Variants in GPKOW observed in about 807,000 individuals in gnomAD.
The protein encoded by GPKOW is G-patch domain and KOW motifs-containing protein.
For synonymous variants in GPKOW, 167 were observed against 159.1 expected (o/e 1.05, Z -0.37); for missense variants, 359 against 404.7 (o/e 0.89, Z 0.97).
At chrX:49,118,764 A>C (rs1238283459) in intron 4 of GPKOW, among the ~76,000 whole-genome samples, 1 of 103,963 alleles carries the variant, frequency 9.6e-6, no homozygotes, top group South Asian at 4.4e-4. Context: ...AAAAAAAAAA[A>C]AACGCCAATT....
chrX:49,121,418 A>C (rs1251630595), intron 3 of GPKOW, among the ~76,000 whole-genome samples: 1 of 110,758 alleles, frequency 9.0e-6, no homozygotes, highest in Non-Finnish European at 1.9e-5. Flanking sequence ...ACAGGGCAAG[A>C]CTCTATCTCA....
chrX:49,117,370 T>A lies in GPKOW; in HGVS notation c.781-208A>T, dbSNP rs192527137. On this transcript the variant is annotated intron_variant, in intron 5 of 10. Coordinates refer to ENST00000156109, the MANE Select transcript of GPKOW (RefSeq NM_015698.6). ...CCTTGGATCCTTTAAGCATTTAATC[T>A]TCAGGGACTTGTGGCATATGGCATT... Among the ~76,000 whole-genome samples the A allele has an allele frequency of 1.8e-4, 20 of 111,775 alleles. No individual in the cohort carries two copies. In the East Asian group the frequency reaches 5.6e-3, roughly 31 times the overall value.
At chrX:49,120,406 G>A (rs2065209388) in intron 3 of GPKOW, among the ~76,000 whole-genome samples, 1 of 111,351 alleles carries the variant, frequency 9.0e-6, no homozygotes. Flanking sequence ...AGAGAAGGGT[G>A]GGGAAGAGAC....
chrX:49,114,882 G>A (rs1190175364), intron 9 of GPKOW, among the ~76,000 whole-genome samples: 1 of 86,185 alleles, frequency 1.2e-5, no homozygotes, highest in Admixed American at 1.4e-4. Flanking sequence ...CCAAGATTGC[G>A]TCACTGCACT....
Position 49,117,724 on chromosome X carries a change from G to A in GPKOW, c.653C>T (p.Thr218Ile). ...TGGTCTTGGCATGCGGGAGGGGCCA[G>A]TGGGGGTCAAGGCCTGGGCCTCGGT... ...NLTEAQALTP[T>I]GPSRMPRPDE... Residue 218 changes from threonine to isoleucine, a missense_variant, in exon 5 of 11, where the codon ACT becomes ATT. By Grantham distance (89) the Thr-to-Ile change is moderately conservative (BLOSUM62 -1). Coordinates refer to ENST00000156109, the MANE Select transcript of GPKOW (RefSeq NM_015698.6). The A allele has an allele frequency of 8.3e-7, 1 of 1,209,814 alleles. No homozygotes were observed. The highest frequency in any genetic ancestry group is 1.1e-6 in the Non-Finnish European group (1 of 893,668).
intron 4 of GPKOW, 41 bp downstream of exon 4, chrX:49,119,664 T>G (rs373537126): frequency 2.1e-5 from 17 of 824,754 alleles, no homozygotes; most frequent in Non-Finnish European, 2.7e-5. Context: ...GATTGCAGCC[T>G]GATGATCTGT....
chrX:49,119,719 G>C lies in GPKOW; in HGVS notation c.552C>G (p.Gly184=), dbSNP rs781833436. 8 of 1,181,064 alleles carry C rather than the reference G, an allele frequency of 6.8e-6. No individual in the cohort carries two copies. In the South Asian group the frequency reaches 1.4e-4, roughly 21 times the overall value. ...GMGWKPGEGI[G]RTFNQVVKPR... ...CCAGAACTCACTGATTGAAGGTGCG[G>C]CCGATGCCCTCGCCAGGTTTCCAGC... The change falls in exon 4 of 11, where the codon GGC becomes GGG. Residue 184 remains glycine (G), a synonymous_variant. Coordinates refer to ENST00000156109, the MANE Select transcript of GPKOW (RefSeq NM_015698.6).
In GPKOW at chrX:49,119,695, C is replaced by A. The variant is rs200725342; in HGVS notation, c.566+10G>T. 9.2e-7 allele frequency: 1 copy of A among 1,091,382 alleles called. No homozygotes were observed. The highest frequency in any genetic ancestry group is 1.3e-6 in the Non-Finnish European group (1 of 788,612). 89.9% of individuals were successfully genotyped at this position (1,091,382 alleles called of 1,213,427 possible). A position where few individuals can be genotyped will look rare whatever the true frequency, so the allele number is the denominator to read the frequency against. Reference sequence around the variant, plus strand: ...TCTGTCTGTCCCCTCGACCCTATCCCAGAACTCACTGATTGAAGGTGCGGC... The same window carrying A: ...TCTGTCTGTCCCCTCGACCCTATCCAAGAACTCACTGATTGAAGGTGCGGC... On this transcript the variant is annotated intron_variant, in intron 4 of 10. Transcript: ENST00000156109.
At position 49,122,781 on chromosome X, in the gene GPKOW, T is replaced by G; in HGVS notation, c.177-5A>C. 6 of 1,204,817 alleles carry G rather than the reference T, an allele frequency of 5.0e-6. No homozygotes were observed. The highest frequency in any genetic ancestry group is 6.7e-6 in the Non-Finnish European group (6 of 889,974). ...GGGGCCTCCTGGGGCTTCACACTGATGTGGACACAGAGGGGTGGGGTTGGG... is the reference window on the plus strand; with the variant it reads ...GGGGCCTCCTGGGGCTTCACACTGAGGTGGACACAGAGGGGTGGGGTTGGG... On this transcript the variant is annotated splice_polypyrimidine_tract_variant and splice_region_variant and intron_variant, in intron 1 of 10. Transcript: ENST00000156109.
intron 4 of GPKOW, 59 bp downstream of exon 4, chrX:49,119,646 G>C (rs2065206557): frequency 2.8e-6 from 2 of 706,420 alleles, no homozygotes; most frequent in East Asian, 3.4e-5. Context: ...AGTGACCCTG[G>C]GGATCTTGAT....
chrX:49,116,046 T>C, intron 7 of GPKOW, 32 bp from the exon 8 acceptor site: 1 of 1,208,263 alleles, frequency 8.3e-7, no homozygotes, highest in Non-Finnish European at 1.1e-6. Flanking sequence ...CAGGCTTAGC[T>C]CTTCATCAGA....
chrX:49,116,084 C>T, intron 7 of GPKOW, 70 bp from the exon 8 acceptor site: 6 of 1,180,893 alleles, frequency 5.1e-6, no homozygotes, highest in Non-Finnish European at 6.9e-6. Context: ...CTCCCTTTGC[C>T]TATGCTATGA....
chrX:49,113,688 T>A lies in GPKOW; in HGVS notation c.1364A>T (p.Gln455Leu). Residue 455 changes from glutamine (Q) to leucine (L), a missense_variant, in exon 11 of 11, where the codon CAG becomes CTG. Coordinates refer to ENST00000156109, the MANE Select transcript of GPKOW (RefSeq NM_015698.6). The part of the protein sequence containing the change: ...RALVQLPREN[Q>L]VVELHYDAIC... ...GGCATCGTAGTGAAGCTCCACCACC[T>A]GATTTTCTCTTGGCAGTTGCACCAA... 8.3e-7 allele frequency: 1 copy of A among 1,209,548 alleles called. No homozygotes were observed.
intron 4 of GPKOW, 146 bp downstream of exon 4, chrX:49,119,559 C>T: frequency 2.4e-6 from 1 of 418,259 alleles, no homozygotes; most frequent in Middle Eastern, 3.8e-4. Context: ...GAGTTTAAAA[C>T]AGTAGTGGAA....
chrX:49,113,689 G>C lies in GPKOW; in HGVS notation c.1363C>G (p.Gln455Glu). 1 of 1,209,574 alleles carries C rather than the reference G, an allele frequency of 8.3e-7. No homozygotes were observed. The highest frequency in any genetic ancestry group is 1.1e-6 in the Non-Finnish European group (1 of 894,021). ...GCATCGTAGTGAAGCTCCACCACCT[G>C]ATTTTCTCTTGGCAGTTGCACCAAA... ...RALVQLPREN[Q>E]VVELHYDAIC... The change falls in exon 11 of 11, where the codon CAG becomes GAG. Residue 455 changes from glutamine to glutamate, a missense_variant. Transcript: ENST00000156109.
At chrX:49,114,473 T>A (rs1938502373) in intron 9 of GPKOW, among the ~76,000 whole-genome samples, 1 of 106,679 alleles carries the variant, frequency 9.4e-6, no homozygotes, top group African/African-American at 3.4e-5. Context: ...GGCATGGTGG[T>A]CAGTGCCTGC....
chrX:49,115,506 C>CAAA (rs1207694625), intron 9 of GPKOW, among the ~76,000 whole-genome samples: 1 of 8,832 alleles, frequency 1.1e-4, no homozygotes, highest in African/African-American at 2.0e-4. Context: ...GACTCTGTCT[C>CAAA]AAAAAAAAAA....
chrX:49,116,641 C>T lies in GPKOW; in HGVS notation c.914-318G>A, dbSNP rs782183283. On this transcript the variant is annotated intron_variant, in intron 6 of 10. Coordinates refer to ENST00000156109, the MANE Select transcript of GPKOW (RefSeq NM_015698.6). ...CATTTGCCAAACTGCCCCGTCCTAC[C>T]GAAACGCCTTCGCCTGTGCTGTTCT... Among the ~76,000 whole-genome samples the T allele has an allele frequency of 1.9e-3, 208 of 111,705 alleles. 1 individual carries two copies. Among genetic ancestry groups the T allele is most frequent in the Non-Finnish European group, 2.3e-3 (123 of 53,113 alleles).
chrX:49,123,217 C>A (rs782379552), intron 1 of GPKOW, among the ~76,000 whole-genome samples: 1 of 111,404 alleles, frequency 9.0e-6, no homozygotes, highest in South Asian at 3.8e-4. Flanking sequence ...TTCCCCATAT[C>A]GGGGACGCCT....
Sources: allele counts gnomAD v4.1 joint callset (sites outside exome capture counted in the v4.1 genomes callset), GRCh38; gene constraint gnomAD v4.1.1; transcripts MANE v1.5; gene names NCBI Gene and HGNC (gene_info 2026-07-23, HGNC 2026-07-21).